USP3: variants seen among roughly 807,000 people sequenced by gnomAD.
USP3 encodes the protein ubiquitin specific peptidase 3.
Under a neutral mutation model 72.3 loss-of-function variants are expected in USP3, and 20 were observed. The ratio of observed to expected loss-of-function variants is 0.28; its 90% confidence interval spans 0.19 to 0.40. The LOEUF is 0.40. USP3 is among the 10% of genes least tolerant of loss of function. The probability of loss-of-function intolerance (pLI) is 1.00; values close to 1 mark genes in which losing one functional copy is unlikely to be tolerated. For missense variants in USP3, 479 were observed against 633.9 expected (o/e 0.76, Z 2.62); for synonymous variants, 222 against 225.3 (o/e 0.99, Z 0.13).
chr15:63,564,557 A>C (rs1227364971), intron 8 of USP3, among the ~76,000 whole-genome samples: 1 of 152,196 alleles, frequency 6.6e-6, no homozygotes, highest in East Asian at 1.9e-4. Flanking sequence ...TTTCCTGTAA[A>C]TCTTTCCACA....
chr15:63,505,810 A>G (rs1233335811), intron 1 of USP3, among the ~76,000 whole-genome samples: 1 of 152,164 alleles, frequency 6.6e-6, no homozygotes, highest in Admixed American at 6.5e-5. Context: ...GGTTATATTA[A>G]TAGCGTACAA....
Position 63,552,281 on chromosome 15 carries a change from A to G in USP3, c.285-1434A>G, listed in dbSNP as rs573276668. 7.2e-5 allele frequency among the ~76,000 whole-genome samples: 11 copies of G among 152,366 alleles called. No individual in the cohort carries two copies. The South Asian group carries it at 1.9e-3, about 26-fold the overall frequency. On this transcript the variant is annotated intron_variant, in intron 3 of 14. Coordinates refer to ENST00000380324, the MANE Select transcript of USP3 (RefSeq NM_006537.4). The stretch of plus-strand genomic sequence containing the variant: ...CAATTTCATTCTTCAGTGAATGCTT[A>G]AGGTTTATAGAGGTACCAAATGCCC...
intron 1 of USP3, 36 bp downstream of exon 1, chr15:63,504,866 C>G: frequency 6.5e-7 from 1 of 1,528,202 alleles, no homozygotes; most frequent in Non-Finnish European, 8.8e-7. Flanking sequence ...GCAGCGCACC[C>G]GAGGCCGCGG....
chr15:63,546,760 C>A (rs778349335), intron 3 of USP3, among the ~76,000 whole-genome samples: 3 of 152,042 alleles, frequency 2.0e-5, no homozygotes, highest in African/African-American at 7.2e-5. Context: ...CCACCATGCC[C>A]GGCTAATTTT....
chr15:63,519,864 T>A (rs978648813), intron 1 of USP3, among the ~76,000 whole-genome samples: 1 of 145,030 alleles, frequency 6.9e-6, no homozygotes, highest in Non-Finnish European at 1.5e-5. Flanking sequence ...AGCACTCGGT[T>A]TTTTTTTATT....
intron 11 of USP3, among the ~76,000 whole-genome samples, chr15:63,578,779 G>A (rs1165950600): frequency 2.0e-5 from 3 of 152,132 alleles, no homozygotes; most frequent in African/African-American, 7.2e-5. Context: ...GATGTCTTCT[G>A]GAGGAACAAG....
In USP3 at chr15:63,556,917, A is replaced by G. The variant is rs2066519888; in HGVS notation, c.450+169A>G. 4.8e-5 allele frequency: 26 copies of G among 545,406 alleles called. No individual in the cohort carries two copies. In the South Asian group the frequency reaches 6.2e-4, roughly 13 times the overall value. 33.8% of individuals were successfully genotyped at this position (545,406 alleles called of 1,614,324 possible). A position where few individuals can be genotyped will look rare whatever the true frequency, so the allele number is the denominator to read the frequency against. ...ACCTGTACTGTCGATTGTTGCCGTG[A>G]CCCCAGTGAGTCCATCTGTCAGCAC... is the stretch of plus-strand genomic sequence containing the variant. On this transcript the variant is annotated intron_variant, in intron 5 of 14. Coordinates refer to ENST00000380324, the MANE Select transcript of USP3 (RefSeq NM_006537.4).
intron 1 of USP3, among the ~76,000 whole-genome samples, chr15:63,520,611 C>G (rs1426836192): frequency 7.8e-6 from 1 of 128,414 alleles, no homozygotes; most frequent in Non-Finnish European, 1.6e-5. Context: ...GTCCCCAGGC[C>G]GGAGTGCAAT....
intron 3 of USP3, among the ~76,000 whole-genome samples, chr15:63,537,848 G>C (rs1299847411): frequency 1.3e-5 from 2 of 152,064 alleles, no homozygotes; most frequent in Non-Finnish European, 2.9e-5. Flanking sequence ...GCCATGCCCA[G>C]CTAATTTTGT....
At chr15:63,524,299 C>T (rs11631042) in intron 1 of USP3, among the ~76,000 whole-genome samples, 113,052 of 152,070 alleles carry the variant, frequency 0.74, 43,592 homozygotes, top group Non-Finnish European at 0.82. Context: ...GTAAAACCTT[C>T]TGAAGTTTCT....
At chr15:63,511,141 T>C (rs1393752609) in intron 1 of USP3, among the ~76,000 whole-genome samples, 1 of 151,704 alleles carries the variant, frequency 6.6e-6, no homozygotes, top group Non-Finnish European at 1.5e-5. Context: ...CCTTGTAGTT[T>C]TTCCTATTTT....
rs1353706254 is a variant in USP3, at chr15:63,529,586, C to G, written c.92-3061C>G. On this transcript the variant is annotated intron_variant, in intron 1 of 14. Coordinates refer to ENST00000380324, the MANE Select transcript of USP3 (RefSeq NM_006537.4). This position sits in a 1 kb window ranked among gnomAD's most constrained non-coding sequence, Gnocchi z 4.2. ...GAGATAGTTGATATTATAAGACTAG[C>G]TTTATAATACCCTGTTCTAAATGCA... Among the ~76,000 whole-genome samples the G allele has an allele frequency of 4.6e-5, 7 of 152,098 alleles. No homozygotes were observed. The highest frequency in any genetic ancestry group is 8.8e-5 in the Non-Finnish European group (6 of 68,026).
chr15:63,582,143 T>C (rs558182092), intron 11 of USP3, among the ~76,000 whole-genome samples: 1 of 152,316 alleles, frequency 6.6e-6, no homozygotes, highest in African/African-American at 2.4e-5. Flanking sequence ...GATTTAAAAG[T>C]TGATTTTTAG....
At chr15:63,584,092 GTTTT>G (rs61574200) in intron 11 of USP3, among the ~76,000 whole-genome samples, 5 of 85,580 alleles carry the variant, frequency 5.8e-5, no homozygotes, top group Non-Finnish European at 6.7e-5. Flanking sequence ...CAACGGTTTT[GTTTT>G]TTTTTTTTTT....
intron 1 of USP3, among the ~76,000 whole-genome samples, chr15:63,530,824 C>T (rs1287039644): frequency 1.3e-5 from 2 of 152,124 alleles, no homozygotes; most frequent in Non-Finnish European, 2.9e-5. Context: ...AAGGCAAACA[C>T]CATAGGGGAG....
At chr15:63,557,451 C>T (rs1288399446) in intron 5 of USP3, among the ~76,000 whole-genome samples, 1 of 152,104 alleles carries the variant, frequency 6.6e-6, no homozygotes, top group Non-Finnish European at 1.5e-5. Context: ...TTAGTAGAGA[C>T]GGAGTTTCAC....
chr15:63,588,829 C>T lies in USP3; in HGVS notation c.1329+14C>T, dbSNP rs766254438. The T allele has an allele frequency of 1.4e-5, 23 of 1,612,440 alleles. No individual in the cohort carries two copies. The South Asian group carries it at 2.0e-4, about 14-fold the overall frequency. Reference sequence around the variant, plus strand: ...TACTTACTAGAGGTAAGGTGGTTACCTTTTTAGCATGGTGAAAAAATGGCT... The same window carrying T: ...TACTTACTAGAGGTAAGGTGGTTACTTTTTTAGCATGGTGAAAAAATGGCT... On this transcript the variant is annotated intron_variant, in intron 13 of 14. Coordinates refer to ENST00000380324, the MANE Select transcript of USP3 (RefSeq NM_006537.4). The surrounding 1 kb of genome is among the most constrained non-coding windows in gnomAD (Gnocchi z 4.6).
intron 1 of USP3, among the ~76,000 whole-genome samples, chr15:63,509,358 G>GA: frequency 6.6e-6 from 1 of 152,262 alleles, no homozygotes; most frequent in East Asian, 1.9e-4. Flanking sequence ...TCTTTATGTT[G>GA]AAAATAAACG....
chr15:63,587,289 C>A (rs117519876), intron 11 of USP3, among the ~76,000 whole-genome samples: 5 of 151,912 alleles, frequency 3.3e-5, no homozygotes, highest in African/African-American at 1.2e-4. Context: ...CTTGAGTACT[C>A]GAGAAAATCC....
Sources: gnomAD v4.1 joint callset for allele counts (sites outside exome capture counted in the v4.1 genomes callset) on GRCh38, gnomAD v4.1.1 for gene constraint, Gnocchi (gnomAD v3.1) non-coding constraint, MANE v1.5 for transcripts, NCBI Gene and HGNC (gene_info 2026-07-23, HGNC 2026-07-21) for gene names.